Variants in FHDC1 observed in about 807,000 individuals in gnomAD.
The protein encoded by FHDC1 is FH2 domain-containing protein 1.
In FHDC1, 25 loss-of-function variants were observed where a neutral mutation model predicts 52.6. The observed-to-expected ratio is 0.48, with a 90% CI of 0.35 to 0.66. FHDC1 has a LOEUF of 0.66. Among genes scored for constraint, FHDC1 ranks in the 30% least tolerant of loss-of-function variants. The pLI, the probability that FHDC1 is intolerant of heterozygous loss-of-function variation, is 0.01. For synonymous variants in FHDC1, 616 were observed against 581.5 expected (o/e 1.06, Z -0.85); for missense variants, 1,459 against 1,452.8 (o/e 1.00, Z -0.07).
chr4:152,932,260 A>G (rs1320440602), upstream of FHDC1, among the ~76,000 whole-genome samples: 2 of 151,950 alleles, frequency 1.3e-5, no homozygotes, highest in Non-Finnish European at 2.9e-5. Flanking sequence ...ATCAGAAATA[A>G]AGTATTATTT....
chr4:152,978,318 C>T lies in FHDC1; in HGVS notation c.*1595C>T, dbSNP rs936757658. 6.6e-6 allele frequency: 1 copy of T among 152,262 alleles called. No homozygotes were observed. The highest frequency in any genetic ancestry group is 2.4e-5 in the African/African-American group (1 of 41,452). 9.4% of individuals were successfully genotyped at this position (152,262 alleles called of 1,614,324 possible). A position where few individuals can be genotyped will look rare whatever the true frequency, so the allele number is the denominator to read the frequency against. ...CTTTGTGTGCTCCCAGCACTTCCTTCTTTTCTAACATGGCCTGGAGAGAGT... is the reference window on the plus strand; with the variant it reads ...CTTTGTGTGCTCCCAGCACTTCCTTTTTTTCTAACATGGCCTGGAGAGAGT... On this transcript the variant is annotated 3_prime_UTR_variant, in exon 12 of 12. Coordinates refer to ENST00000511601, the MANE Select transcript of FHDC1 (RefSeq NM_001371116.1).
chr4:152,938,868 C>T (rs1010727669), intron 1 of FHDC1, among the ~76,000 whole-genome samples: 3 of 152,026 alleles, frequency 2.0e-5, no homozygotes, highest in Non-Finnish European at 4.4e-5. Flanking sequence ...GCACCAGGAC[C>T]GCTGGTGCAG....
At chr4:152,934,895 C>G (rs1403306411), upstream of FHDC1, among the ~76,000 whole-genome samples, 1 of 152,088 alleles carries the variant, frequency 6.6e-6, no homozygotes, top group East Asian at 1.9e-4. Flanking sequence ...TGTGGACTCC[C>G]CATTTAACAA....
At chr4:152,937,550 A>C (rs1384847997) in intron 1 of FHDC1, among the ~76,000 whole-genome samples, 2 of 151,790 alleles carry the variant, frequency 1.3e-5, no homozygotes, top group Non-Finnish European at 2.9e-5. Context: ...CGGCCGACCC[A>C]GCAGCTGCAG....
Position 152,962,834 on chromosome 4 carries a change from C to A in FHDC1, c.871C>A (p.Leu291Ile). ...GATAGAACTGATGTCATGTGAAGAG[C>A]TACATTCAATATTACACTTGGTGCT... Reference protein sequence around the residue: ...AIKELMSCEELHSILHLVLQA... With the variant: ...AIKELMSCEEIHSILHLVLQA... Residue 291 changes from leucine (L) to isoleucine (I), a missense_variant, in exon 7 of 12, where the codon CTA (leucine) becomes ATA (isoleucine). Coordinates refer to ENST00000511601, the MANE Select transcript of FHDC1 (RefSeq NM_001371116.1). 4 of 1,613,898 alleles carry A rather than the reference C, an allele frequency of 2.5e-6. No individual in the cohort carries two copies. Among genetic ancestry groups the A allele is most frequent in the East Asian group, 2.2e-5 (1 of 44,862 alleles).
chr4:152,942,905 T>G, intron 1 of FHDC1, 23 bp from the exon 2 acceptor site: 1 of 765,120 alleles, frequency 1.3e-6, no homozygotes, highest in South Asian at 2.0e-5. Context: ...GTAACTGATT[T>G]GATATTTATT....
chr4:152,932,736 T>C (rs947426820), upstream of FHDC1, among the ~76,000 whole-genome samples: 9 of 152,232 alleles, frequency 5.9e-5, no homozygotes, highest in Non-Finnish European at 1.2e-4. Flanking sequence ...AGAGGGCCCA[T>C]GAAGTAGCTC....
At chr4:152,921,375 A>G in the FHDC1 span, among the ~76,000 whole-genome samples, 1 of 152,130 alleles carries the variant, frequency 6.6e-6, no homozygotes. Flanking sequence ...AAGTTTATTT[A>G]CAAGGATTTA....
At chr4:152,935,546 C>G (rs1006759587), upstream of FHDC1, among the ~76,000 whole-genome samples, 1 of 152,128 alleles carries the variant, frequency 6.6e-6, no homozygotes, top group Non-Finnish European at 1.5e-5. Flanking sequence ...TTCGATGAGG[C>G]CTGGCAAAAT....
rs1397126835 is a variant in FHDC1, at chr4:152,943,157, C to T, written c.100C>T (p.Pro34Ser). 3 of 1,613,166 alleles carry T rather than the reference C, an allele frequency of 1.9e-6. No homozygotes were observed. Among genetic ancestry groups the T allele is most frequent in the Non-Finnish European group, 8.5e-7 (1 of 1,179,530 alleles). The change falls in exon 2 of 12, where the codon CCT becomes TCT. Residue 34 changes from proline (P) to serine (S), a missense_variant. Physicochemically the swap from Pro to Ser is moderately conservative, Grantham distance 74. Transcript: ENST00000511601. The part of the protein sequence containing the change: ...FMIGQTPPPA[P>S]PPPPPPPPPS... The stretch of plus-strand genomic sequence containing the variant: ...GATTGGGCAGACACCTCCTCCAGCA[C>T]CTCCTCCACCTCCTCCTCCACCCCC...
chr4:152,975,889 C>T lies in FHDC1; in HGVS notation c.2598C>T (p.Ser866=). Residue 866 remains serine, a synonymous_variant, in exon 12 of 12, where the codon TCC becomes TCT. Transcript: ENST00000511601. ...ATGTTGTAGCACCAAAGAGAGGCTCCCTGAAAGAGGCGTCTCCCGGGGCCT... is the reference window on the plus strand; with the variant it reads ...ATGTTGTAGCACCAAAGAGAGGCTCTCTGAAAGAGGCGTCTCCCGGGGCCT... The part of the protein sequence containing the change: ...RKDVVAPKRG[S]LKEASPGASK... 3 of 1,514,118 alleles carry T rather than the reference C, an allele frequency of 2.0e-6. No individual in the cohort carries two copies. The highest frequency in any genetic ancestry group is 2.6e-6 in the Non-Finnish European group (3 of 1,133,336). 93.8% of individuals were successfully genotyped at this position (1,514,118 alleles called of 1,614,324 possible).
At chr4:152,963,765 C>CTTT (rs1561211172) in intron 8 of FHDC1, among the ~76,000 whole-genome samples, 1 of 50,874 alleles carries the variant, frequency 2.0e-5, no homozygotes, top group East Asian at 5.1e-4. Context: ...CTATCCATTG[C>CTTT]TTTGTTTTTT....
At chr4:152,916,575 T>G in the FHDC1 span, among the ~76,000 whole-genome samples, 1 of 139,258 alleles carries the variant, frequency 7.2e-6, no homozygotes, top group African/African-American at 2.6e-5. Flanking sequence ...CATAATAACA[T>G]TAAAAAAAAA....
chr4:152,923,053 AGAG>A, the FHDC1 span, among the ~76,000 whole-genome samples: 1 of 152,178 alleles, frequency 6.6e-6, no homozygotes, highest in Non-Finnish European at 1.5e-5. Flanking sequence ...AATTAGGAAA[AGAG>A]GAAGTCAAAT....
In FHDC1 at chr4:152,975,020, CG is replaced by C; in HGVS notation, c.1731del (p.Gln578ArgfsTer6). 1 of 1,612,614 alleles carries C rather than the reference CG, an allele frequency of 6.2e-7. No homozygotes were observed. Among genetic ancestry groups the C allele is most frequent in the Non-Finnish European group, 8.5e-7 (1 of 1,179,820 alleles). ...KFHSLPRSSP[R>X]QARPTIACLE... Reference sequence around the variant, plus strand: ...CCACAGCCTGCCCCGGAGCAGCCCCCGGCAGGCCCGGCCCACGATAGCCTGC... The same window carrying C: ...CCACAGCCTGCCCCGGAGCAGCCCCCGCAGGCCCGGCCCACGATAGCCTGC... On this transcript the variant is annotated frameshift_variant, in exon 12 of 12. Transcript: ENST00000511601. LOFTEE classifies it low-confidence loss of function (END_TRUNC).
chr4:152,928,384 C>G, the FHDC1 span, among the ~76,000 whole-genome samples: 1 of 152,142 alleles, frequency 6.6e-6, no homozygotes, highest in South Asian at 2.1e-4. Flanking sequence ...TGGCCTGAAT[C>G]GTGTTTGGTT....
chr4:152,973,526 A>G (rs2149961284), intron 11 of FHDC1, among the ~76,000 whole-genome samples: 1 of 152,338 alleles, frequency 6.6e-6, no homozygotes, highest in Non-Finnish European at 1.5e-5. Context: ...CAGGAATTCC[A>G]TAGGCCTGTG....
intron 9 of FHDC1, among the ~76,000 whole-genome samples, chr4:152,966,727 G>C (rs1740467832): frequency 6.6e-6 from 1 of 152,160 alleles, no homozygotes; most frequent in Admixed American, 6.5e-5. Flanking sequence ...CTCTCAAAGT[G>C]CTGGGATTAC....
chr4:152,937,899 G>A (rs1739444665), intron 1 of FHDC1, among the ~76,000 whole-genome samples: 2 of 152,166 alleles, frequency 1.3e-5, no homozygotes, highest in African/African-American at 4.8e-5. Flanking sequence ...AGTGGCTCGG[G>A]CGGGGACCGG....
Sources: allele counts gnomAD v4.1 joint callset (sites outside exome capture counted in the v4.1 genomes callset), GRCh38; gene constraint gnomAD v4.1.1; transcripts MANE v1.5; gene names NCBI Gene and HGNC (gene_info 2026-07-23, HGNC 2026-07-21).